The following CDH20 variants were observed in gnomAD, a reference collection of about 807,000 sequenced individuals.
CDH20 encodes cadherin 20.
A neutral mutation model predicts 74.2 loss-of-function variants in CDH20; 29 were observed. That is an observed-to-expected ratio of 0.39 (90% CI 0.29 to 0.53). The LOEUF (loss-of-function observed/expected upper bound fraction) is 0.53. CDH20 is among the 20% of genes least tolerant of loss of function. The pLI is 0.69. For missense variants in CDH20, 988 were observed against 1,048.3 expected (o/e 0.94, Z 0.79); for synonymous variants, 469 against 405.4 (o/e 1.16, Z -1.88).
chr18:61,515,220 C>T lies in CDH20; in HGVS notation c.1017+7660C>T, dbSNP rs562961004. 2.6e-5 allele frequency among the ~76,000 whole-genome samples: 4 copies of T among 152,234 alleles called. No homozygotes were observed. In the East Asian group the frequency reaches 7.8e-4, roughly 30 times the overall value. On this transcript the variant is annotated intron_variant, in intron 6 of 11. Transcript: ENST00000262717. The stretch of plus-strand genomic sequence containing the variant: ...TCTCGTGGTGCGCCATTTTTTAAGC[C>T]CGTCGGAAAAGCGCAATATTCGGGT...
chr18:61,478,189 ACT>A (rs1425154632), intron 1 of CDH20, among the ~76,000 whole-genome samples: 1 of 149,468 alleles, frequency 6.7e-6, no homozygotes, highest in Admixed American at 6.7e-5. Flanking sequence ...ACAGAGCGAG[ACT>A]CTGTCTCAAA....
chr18:61,427,698 T>TA (rs1330619980), intron 1 of CDH20, among the ~76,000 whole-genome samples: 1 of 152,256 alleles, frequency 6.6e-6, no homozygotes, highest in Non-Finnish European at 1.5e-5. Context: ...GTGCTTCTCT[T>TA]ATCACAAACT....
intron 1 of CDH20, among the ~76,000 whole-genome samples, chr18:61,358,928 C>CT (rs11422321): frequency 0.16 from 24,774 of 151,786 alleles, 2,071 homozygotes; most frequent in African/African-American, 0.2. Flanking sequence ...GTGCAATGGA[C>CT]TTTTTTTTCT....
At chr18:61,505,589 G>A (rs1413157277) in intron 5 of CDH20, among the ~76,000 whole-genome samples, 1 of 152,066 alleles carries the variant, frequency 6.6e-6, no homozygotes, top group Admixed American at 6.5e-5. Flanking sequence ...GCCTTCCTCA[G>A]GCTCCCAAGG....
intron 1 of CDH20, among the ~76,000 whole-genome samples, chr18:61,396,076 T>C (rs1449397557): frequency 6.6e-6 from 1 of 152,038 alleles, no homozygotes; most frequent in Non-Finnish European, 1.5e-5. Flanking sequence ...TGTGTGTTCA[T>C]GCACGCACAC....
At position 61,554,918 on chromosome 18, in the gene CDH20, T is replaced by C; in HGVS notation, c.*223T>C. ...GGGCAGAATCTTTAATTACCTTTTT[T>C]TCTTTTCTTTTTGATTTTTCTGACA... On this transcript the variant is annotated 3_prime_UTR_variant, in exon 12 of 12. Transcript: ENST00000262717. The C allele has an allele frequency of 7.3e-7, 1 of 1,372,504 alleles. No individual in the cohort carries two copies. Among genetic ancestry groups the C allele is most frequent in the South Asian group, 2.0e-5 (1 of 49,234 alleles). 85.0% of individuals were successfully genotyped at this position (1,372,504 alleles called of 1,614,324 possible).
intron 1 of CDH20, among the ~76,000 whole-genome samples, chr18:61,394,786 G>A (rs112607885): frequency 4.6e-5 from 7 of 152,010 alleles, no homozygotes; most frequent in African/African-American, 1.4e-4. Flanking sequence ...CCAGAGGGCC[G>A]AGCCCACCTG....
At chr18:61,523,377 T>C (rs989258047) in intron 6 of CDH20, among the ~76,000 whole-genome samples, 19 of 152,164 alleles carry the variant, frequency 1.2e-4, no homozygotes, top group African/African-American at 4.3e-4. Context: ...TACCATCTTA[T>C]GCCAGTTAGA....
chr18:61,444,793 T>A (rs1257621226), intron 1 of CDH20, among the ~76,000 whole-genome samples: 1 of 152,198 alleles, frequency 6.6e-6, no homozygotes, highest in Non-Finnish European at 1.5e-5. Context: ...TCATATTACT[T>A]TCCTGCCAGT....
chr18:61,553,437 T>C (rs958529788), intron 11 of CDH20, among the ~76,000 whole-genome samples: 1 of 152,190 alleles, frequency 6.6e-6, no homozygotes, highest in Non-Finnish European at 1.5e-5. Context: ...TATCCAAACC[T>C]GCAAGGGCAC....
intron 1 of CDH20, among the ~76,000 whole-genome samples, chr18:61,443,976 C>T (rs779049217): frequency 2.0e-5 from 3 of 152,068 alleles, no homozygotes; most frequent in Non-Finnish European, 4.4e-5. Context: ...TCCCAGTGCA[C>T]AGTGTCGGCA....
At chr18:61,487,798 G>T (rs937793272) in intron 1 of CDH20, among the ~76,000 whole-genome samples, 5 of 152,120 alleles carry the variant, frequency 3.3e-5, no homozygotes, top group African/African-American at 1.2e-4. Context: ...TCAGGTAGGG[G>T]GATAGGGGGT....
intron 8 of CDH20, 66 bp downstream of exon 8, chr18:61,536,695 T>C: frequency 7.0e-7 from 1 of 1,436,438 alleles, no homozygotes; most frequent in Non-Finnish European, 9.6e-7. Context: ...AAGTGGAAGT[T>C]TCTAGAACTT....
chr18:61,373,850 C>T (rs1323296770), intron 1 of CDH20, among the ~76,000 whole-genome samples: 6 of 152,076 alleles, frequency 3.9e-5, no homozygotes, highest in African/African-American at 1.4e-4. Flanking sequence ...TCAACTTTCT[C>T]CCCAGATATT....
At chr18:61,541,046 G>A (rs1174645723) in intron 9 of CDH20, among the ~76,000 whole-genome samples, 1 of 152,062 alleles carries the variant, frequency 6.6e-6, no homozygotes, top group African/African-American at 2.4e-5. Flanking sequence ...GAAATGTTAT[G>A]CAGCCAATAA....
At chr18:61,401,009 C>A (rs568456650) in intron 1 of CDH20, among the ~76,000 whole-genome samples, 8 of 152,194 alleles carry the variant, frequency 5.3e-5, no homozygotes, top group African/African-American at 1.7e-4. Flanking sequence ...AACATTTGAT[C>A]TAATGCGTTG....
chr18:61,506,489 G>C (rs563612873), intron 5 of CDH20, among the ~76,000 whole-genome samples: 1 of 152,130 alleles, frequency 6.6e-6, no homozygotes, highest in Non-Finnish European at 1.5e-5. Flanking sequence ...TAGAATAAAA[G>C]GGAACACGTA....
At chr18:61,383,902 G>A (rs1031160834) in intron 1 of CDH20, among the ~76,000 whole-genome samples, 2 of 152,094 alleles carry the variant, frequency 1.3e-5, no homozygotes, top group Non-Finnish European at 2.9e-5. Flanking sequence ...GGGGAAGAAC[G>A]GGACATGATT....
intron 1 of CDH20, among the ~76,000 whole-genome samples, chr18:61,334,648 C>A (rs1313788365): frequency 6.6e-6 from 1 of 152,116 alleles, no homozygotes; most frequent in African/African-American, 2.4e-5. Flanking sequence ...GCAGCCTTTG[C>A]CTAGCTATCC....
Sources: allele counts gnomAD v4.1 joint callset (sites outside exome capture counted in the v4.1 genomes callset), GRCh38; gene constraint gnomAD v4.1.1; transcripts MANE v1.5; gene names NCBI Gene and HGNC (gene_info 2026-07-23, HGNC 2026-07-21).